The following DYNC1LI1 variants were observed in gnomAD, a reference collection of about 807,000 sequenced individuals.
DYNC1LI1 encodes cytoplasmic dynein 1 light intermediate chain 1.
A neutral mutation model predicts 63.8 loss-of-function variants in DYNC1LI1; 19 were observed. That is an observed-to-expected ratio of 0.30 (90% confidence interval 0.21 to 0.44). DYNC1LI1 has a LOEUF of 0.44. DYNC1LI1 is among the 20% of genes least tolerant of loss of function. DYNC1LI1 has a pLI of 1.00. For synonymous variants in DYNC1LI1, 225 were observed against 232.3 expected (o/e 0.97, Z 0.28); for missense variants, 565 against 630.2 (o/e 0.90, Z 1.11).
At chr3:32,546,379 G>A (rs945046378) in intron 2 of DYNC1LI1, among the ~76,000 whole-genome samples, 2 of 152,072 alleles carry the variant, frequency 1.3e-5, no homozygotes, top group African/African-American at 4.8e-5. Flanking sequence ...CTGTACTCCA[G>A]GCTGGGTAAC....
intron 2 of DYNC1LI1, among the ~76,000 whole-genome samples, chr3:32,565,547 G>A (rs1361048230): frequency 2.0e-5 from 3 of 152,216 alleles, no homozygotes; most frequent in Non-Finnish European, 4.4e-5. Context: ...TACAAGGAAA[G>A]CTCTTTTCCT....
At chr3:32,541,333 G>A (rs965717726) in intron 4 of DYNC1LI1, 127 bp from the exon 5 acceptor site, 6 of 613,540 alleles carry the variant, frequency 9.8e-6, no homozygotes, top group African/African-American at 9.3e-5. Flanking sequence ...AAACAAAAAG[G>A]GTTTGAGAAA....
At chr3:32,542,391 G>C (rs1446412031) in intron 4 of DYNC1LI1, among the ~76,000 whole-genome samples, 1 of 151,260 alleles carries the variant, frequency 6.6e-6, no homozygotes, top group Non-Finnish European at 1.5e-5. Context: ...GTGAGCCACT[G>C]TGACCGGCTA....
rs60604681 is a variant in DYNC1LI1, at chr3:32,528,668, C to T, written c.1307-67G>A. On this transcript the variant is annotated intron_variant, in intron 11 of 12. Transcript: ENST00000273130. ...AAGATTCTTCCTTAAATTATTATTACAGTAATCACACATAGAAAATGAATA... is the reference window on the plus strand; with the variant it reads ...AAGATTCTTCCTTAAATTATTATTATAGTAATCACACATAGAAAATGAATA... 7.7e-3 allele frequency: 11,112 copies of T among 1,434,146 alleles called. 764 individuals are homozygous for T. The African/African-American group carries it at 0.14, about 18-fold the overall frequency. 88.8% of individuals were successfully genotyped at this position (1,434,146 alleles called of 1,614,324 possible).
In DYNC1LI1 at chr3:32,530,538, C is replaced by T; in HGVS notation, c.1081-18G>A. The T allele has an allele frequency of 6.3e-7, 1 of 1,596,208 alleles. No individual in the cohort carries two copies. Among genetic ancestry groups the T allele is most frequent in the Non-Finnish European group, 8.6e-7 (1 of 1,165,694 alleles). On this transcript the variant is annotated intron_variant, in intron 8 of 12. Coordinates refer to ENST00000273130, the MANE Select transcript of DYNC1LI1 (RefSeq NM_016141.4). ...TGTACAAACTGAAATGAGCAATGCA[C>T]AAATGAGCAAATTTAATATATTATG...
intron 2 of DYNC1LI1, among the ~76,000 whole-genome samples, chr3:32,558,786 C>T (rs1228618460): frequency 6.6e-6 from 1 of 151,200 alleles, no homozygotes; most frequent in Non-Finnish European, 1.5e-5. Flanking sequence ...GCAGAGGCTG[C>T]GGTAAGCCAA....
chr3:32,534,386 C>T (rs951435880), intron 7 of DYNC1LI1, 125 bp downstream of exon 7: 21 of 696,676 alleles, frequency 3.0e-5, no homozygotes, highest in African/African-American at 2.8e-4. Context: ...AATCTAGGAA[C>T]AGATAGATTC....
intron 5 of DYNC1LI1, among the ~76,000 whole-genome samples, chr3:32,538,834 C>T (rs1356424059): frequency 6.6e-6 from 1 of 152,006 alleles, no homozygotes; most frequent in African/African-American, 2.4e-5. Context: ...GTTGAACCAC[C>T]ATACTTCTCT....
intron 5 of DYNC1LI1, among the ~76,000 whole-genome samples, chr3:32,539,940 C>T (rs189941419): frequency 6.6e-6 from 1 of 151,842 alleles, no homozygotes; most frequent in African/African-American, 2.4e-5. Context: ...TCTCGGCTCA[C>T]TGCAAGCTCC....
chr3:32,552,718 T>C (rs920456990), intron 2 of DYNC1LI1, among the ~76,000 whole-genome samples: 13 of 152,232 alleles, frequency 8.5e-5, no homozygotes, highest in East Asian at 3.9e-4. Flanking sequence ...TTGTTGTTGT[T>C]GTCGTTGAGA....
intron 2 of DYNC1LI1, among the ~76,000 whole-genome samples, chr3:32,558,382 T>A (rs1698143703): frequency 7.3e-6 from 1 of 136,490 alleles, no homozygotes; most frequent in Non-Finnish European, 1.5e-5. Flanking sequence ...TTTGTTTTAT[T>A]CCCCCAACTC....
chr3:32,560,118 C>G (rs1575159376), intron 2 of DYNC1LI1, among the ~76,000 whole-genome samples: 1 of 152,084 alleles, frequency 6.6e-6, no homozygotes, highest in Non-Finnish European at 1.5e-5. Flanking sequence ...GCCTGTAGAG[C>G]GAAAAGACAA....
rs1328438421 is a variant in DYNC1LI1, at chr3:32,550,492, T to C, written c.221-4527A>G. 3.9e-5 allele frequency among the ~76,000 whole-genome samples: 6 copies of C among 152,164 alleles called. No individual in the cohort carries two copies. The South Asian group carries it at 1.0e-3, about 26-fold the overall frequency. On this transcript the variant is annotated intron_variant, in intron 2 of 12. Transcript: ENST00000273130. ...AACTATATAGGCTCACTATTTTAAT[T>C]TCTTGCAGCCATCACTACAGCATGG...
chr3:32,561,244 A>G (rs964240148), intron 2 of DYNC1LI1, among the ~76,000 whole-genome samples: 4 of 151,564 alleles, frequency 2.6e-5, no homozygotes, highest in African/African-American at 9.7e-5. Context: ...TTAAGATGCA[A>G]ATTTTTAACC....
intron 3 of DYNC1LI1, 111 bp from the exon 4 acceptor site, chr3:32,545,217 G>A (rs1161281897): frequency 2.8e-6 from 2 of 724,758 alleles, no homozygotes; most frequent in Non-Finnish European, 4.6e-6. Context: ...TGTGCTATTG[G>A]CTTTGACAAA....
At chr3:32,556,382 C>T (rs982815982) in intron 2 of DYNC1LI1, among the ~76,000 whole-genome samples, 6 of 152,216 alleles carry the variant, frequency 3.9e-5, no homozygotes, top group African/African-American at 1.4e-4. Flanking sequence ...ATGTCCCCCA[C>T]ATTCAACGAA....
chr3:32,570,353 T>A lies in DYNC1LI1; in HGVS notation c.213A>T (p.Leu71=). The change falls in exon 2 of 13, where the codon CTA becomes CTT. Residue 71 remains leucine, a synonymous_variant. Transcript: ENST00000273130. The part of the protein sequence containing the change: ...RSKLPAGKNV[L]LLGEDGAGKT... ...GAGGCAGGGAACACTTACCCAGCAG[T>A]AGCACGTTCTTCCCCGCAGGGAGCT... 1 of 1,587,300 alleles carries A rather than the reference T, an allele frequency of 6.3e-7. No individual in the cohort carries two copies. Among genetic ancestry groups the A allele is most frequent in the Non-Finnish European group, 8.6e-7 (1 of 1,163,788 alleles).
intron 2 of DYNC1LI1, among the ~76,000 whole-genome samples, chr3:32,547,140 G>A (rs1559439718): frequency 6.6e-6 from 1 of 152,120 alleles, no homozygotes; most frequent in Non-Finnish European, 1.5e-5. Context: ...CTACTCGGGA[G>A]ACTGAGGCAG....
intron 4 of DYNC1LI1, 31 bp from the exon 5 acceptor site, chr3:32,541,237 T>C (rs1161536544): frequency 1.6e-5 from 24 of 1,467,384 alleles, no homozygotes; most frequent in Non-Finnish European, 2.1e-5. Context: ...AATTTAGAAA[T>C]TGCTTCATTT....
Sources: allele counts gnomAD v4.1 joint callset (sites outside exome capture counted in the v4.1 genomes callset), GRCh38; gene constraint gnomAD v4.1.1; transcripts MANE v1.5; gene names NCBI Gene and HGNC (gene_info 2026-07-23, HGNC 2026-07-21).